Variants in ADGRB3 observed in about 807,000 individuals in gnomAD.
ADGRB3 encodes brain-specific angiogenesis inhibitor 3.
A neutral mutation model predicts 193.4 loss-of-function variants in ADGRB3; 37 were observed. The ratio of observed to expected loss-of-function variants is 0.19; its 90% CI spans 0.15 to 0.25. ADGRB3 has a LOEUF of 0.25. Ranked by LOEUF, ADGRB3 falls within the 10% of genes least tolerant of loss-of-function variation. The pLI, the probability that ADGRB3 is intolerant of heterozygous loss-of-function variation, is 1.00. For synonymous variants in ADGRB3, 690 were observed against 644.2 expected (o/e 1.07, Z -1.08); for missense variants, 1,637 against 1,852.9 (o/e 0.88, Z 2.14).
chr6:68,708,390 C>T (rs1178615065), intron 3 of ADGRB3, among the ~76,000 whole-genome samples: 1 of 152,248 alleles, frequency 6.6e-6, no homozygotes, highest in South Asian at 2.1e-4. Context: ...GTCCTGGACC[C>T]TGTGCCTCCC....
intron 11 of ADGRB3, among the ~76,000 whole-genome samples, chr6:69,002,741 G>A (rs1769617849): frequency 1.3e-5 from 2 of 152,042 alleles, no homozygotes; most frequent in Admixed American, 6.6e-5. Flanking sequence ...TATAATGATA[G>A]GCCTCATCTG....
At chr6:68,801,228 A>T (rs985503096) in intron 3 of ADGRB3, among the ~76,000 whole-genome samples, 9 of 152,174 alleles carry the variant, frequency 5.9e-5, no homozygotes, top group Non-Finnish European at 1.2e-4. Flanking sequence ...TTCTTAATAG[A>T]AATGTTTCTC....
intron 3 of ADGRB3, among the ~76,000 whole-genome samples, chr6:68,862,366 A>C (rs73747809): frequency 0.03 from 4,628 of 152,274 alleles, 241 homozygotes; most frequent in African/African-American, 0.1. Context: ...TCTGACCTAC[A>C]CCATGGGTGC....
At chr6:69,167,862 T>A (rs573047515) in intron 17 of ADGRB3, among the ~76,000 whole-genome samples, 229 of 152,172 alleles carry the variant, frequency 1.5e-3, no homozygotes, top group African/African-American at 5.1e-3. Context: ...CAAGGGGACT[T>A]GCACTGGGGT....
intron 17 of ADGRB3, among the ~76,000 whole-genome samples, chr6:69,227,809 G>A (rs1054687019): frequency 2.6e-5 from 4 of 152,268 alleles, no homozygotes; most frequent in African/African-American, 9.6e-5. Flanking sequence ...AATGATGTTT[G>A]AAGACTGTAG....
intron 13 of ADGRB3, among the ~76,000 whole-genome samples, chr6:69,024,201 G>C (rs1311771353): frequency 6.6e-6 from 1 of 152,046 alleles, no homozygotes; most frequent in South Asian, 2.1e-4. Context: ...AGAGGTAGTA[G>C]GTATAAGGAG....
chr6:69,002,023 A>G (rs1272923938), intron 11 of ADGRB3, among the ~76,000 whole-genome samples: 2 of 152,194 alleles, frequency 1.3e-5, no homozygotes, highest in Non-Finnish European at 2.9e-5. Flanking sequence ...TTGGAAAGCT[A>G]CTTGTTTATC....
At chr6:68,854,776 G>C (rs1174838154) in intron 3 of ADGRB3, among the ~76,000 whole-genome samples, 5 of 152,138 alleles carry the variant, frequency 3.3e-5, no homozygotes, top group Admixed American at 3.3e-4. Flanking sequence ...ATTTCTCTCT[G>C]TGTTTTCCTT....
chr6:69,071,817 T>G (rs531403601), intron 16 of ADGRB3, among the ~76,000 whole-genome samples: 13 of 152,302 alleles, frequency 8.5e-5, no homozygotes, highest in African/African-American at 3.1e-4. Context: ...TTGTTAAAAC[T>G]ACTTCTACAG....
intron 13 of ADGRB3, among the ~76,000 whole-genome samples, chr6:69,028,838 T>G (rs1171256062): frequency 6.6e-6 from 1 of 152,188 alleles, no homozygotes; most frequent in Non-Finnish European, 1.5e-5. Context: ...AAAGATATTT[T>G]TATTTGTTTT....
chr6:69,024,629 G>C (rs1770372463), intron 13 of ADGRB3, among the ~76,000 whole-genome samples: 1 of 152,114 alleles, frequency 6.6e-6, no homozygotes, highest in Non-Finnish European at 1.5e-5. Flanking sequence ...TAGTTGTTAG[G>C]AATTTCAAAA....
intron 31 of ADGRB3, among the ~76,000 whole-genome samples, chr6:69,386,877 C>T (rs1367357150): frequency 6.6e-6 from 1 of 152,052 alleles, no homozygotes; most frequent in African/African-American, 2.4e-5. Flanking sequence ...AGTACTTTTC[C>T]TGGATGATAG....
chr6:68,717,791 A>G (rs1333512189), intron 3 of ADGRB3, among the ~76,000 whole-genome samples: 1 of 151,758 alleles, frequency 6.6e-6, no homozygotes, highest in Non-Finnish European at 1.5e-5. Context: ...AAAAATATGG[A>G]GAAATTTCAG....
At chr6:68,915,088 G>A (rs1285608039) in intron 3 of ADGRB3, among the ~76,000 whole-genome samples, 1 of 152,144 alleles carries the variant, frequency 6.6e-6, no homozygotes, top group African/African-American at 2.4e-5. Context: ...CATAAAATTA[G>A]TTATAATTTG....
At chr6:68,998,911 A>G (rs1277573309) in intron 11 of ADGRB3, among the ~76,000 whole-genome samples, 7 of 152,184 alleles carry the variant, frequency 4.6e-5, no homozygotes, top group South Asian at 4.1e-4. Flanking sequence ...ATCTTTGGAT[A>G]CAACTATAAA....
intron 23 of ADGRB3, chr6:69,331,651 T>G: frequency 1.0e-6 from 1 of 985,252 alleles, no homozygotes; most frequent in Non-Finnish European, 1.2e-6. Flanking sequence ...ATTAGACACC[T>G]TTTTTGTCTG....
Position 69,235,110 on chromosome 6 carries a change from G to A in ADGRB3, c.2686G>A (p.Ala896Thr), listed in dbSNP as rs758619584. ...TTCTTGCTTGGCCTTGATTACCCTAGCAGTTGTCTATGCAGCATTATGGAG... is the reference window on the plus strand; with the variant it reads ...TTCTTGCTTGGCCTTGATTACCCTAACAGTTGTCTATGCAGCATTATGGAG... The part of the protein sequence containing the change: ...GLSCLALITL[A>T]VVYAALWRYI... Residue 896 changes from alanine (A) to threonine (T), a missense_variant, in exon 19 of 32, where the codon GCA (alanine) becomes ACA (threonine). Coordinates refer to ENST00000370598, the MANE Select transcript of ADGRB3 (RefSeq NM_001704.3). 3.1e-6 allele frequency: 5 copies of A among 1,611,050 alleles called. No individual in the cohort carries two copies. The highest frequency in any genetic ancestry group is 4.2e-6 in the Non-Finnish European group (5 of 1,177,498).
At chr6:68,711,136 G>A (rs1291765489) in intron 3 of ADGRB3, among the ~76,000 whole-genome samples, 3 of 152,024 alleles carry the variant, frequency 2.0e-5, no homozygotes, top group Non-Finnish European at 2.9e-5. Flanking sequence ...CTCATGGAAC[G>A]AGGGCAATTG....
intron 10 of ADGRB3, among the ~76,000 whole-genome samples, chr6:68,977,931 A>G (rs1768795210): frequency 6.6e-6 from 1 of 151,448 alleles, no homozygotes; most frequent in African/African-American, 2.4e-5. Flanking sequence ...AGGCCATTCA[A>G]CCTTCTGAAC....
Sources: allele counts gnomAD v4.1 joint callset (sites outside exome capture counted in the v4.1 genomes callset), GRCh38; gene constraint gnomAD v4.1.1; transcripts MANE v1.5; gene names NCBI Gene and HGNC (gene_info 2026-07-23, HGNC 2026-07-21).